Variants in PHF24 observed in about 807,000 individuals in gnomAD.
The protein encoded by PHF24 is Galpha inhibitory interacting protein.
Under a neutral mutation model 42.6 loss-of-function variants are expected in PHF24, and 25 were observed. The ratio of observed to expected loss-of-function variants is 0.59; its 90% confidence interval spans 0.43 to 0.82. The LOEUF (loss-of-function observed/expected upper bound fraction) is 0.82, where lower values mean the gene tolerates loss of function less well. Among genes scored for constraint, PHF24 ranks in the 40% least tolerant of loss-of-function variants. The pLI, the probability that PHF24 is intolerant of heterozygous loss-of-function variation, is 0.00. For missense variants in PHF24, 470 were observed against 538.1 expected (o/e 0.87, Z 1.25); for synonymous variants, 185 against 204.8 (o/e 0.90, Z 0.83).
At chr9:34,696,430 G>A in the PHF24 span, among the ~76,000 whole-genome samples, 2 of 150,712 alleles carry the variant, frequency 1.3e-5, no homozygotes, top group Non-Finnish European at 2.9e-5. Flanking sequence ...AGAAGTTGCG[G>A]TGTGCAGAGA....
the PHF24 span, among the ~76,000 whole-genome samples, chr9:34,895,297 C>T: frequency 2.0e-5 from 3 of 152,108 alleles, no homozygotes; most frequent in Non-Finnish European, 4.4e-5. Context: ...TCCATGCCTC[C>T]CACCCCCATT....
the PHF24 span, among the ~76,000 whole-genome samples, chr9:34,942,938 A>C: frequency 2.1e-4 from 32 of 152,274 alleles, 1 homozygote; most frequent in African/African-American, 7.2e-4. Flanking sequence ...AACATGGTAC[A>C]TGTATACCTA....
chr9:34,849,524 C>T, the PHF24 span, among the ~76,000 whole-genome samples: 3 of 152,032 alleles, frequency 2.0e-5, no homozygotes, highest in African/African-American at 7.3e-5. Context: ...TTCCTGAATA[C>T]AGCACACTGA....
chr9:34,706,034 A>G, the PHF24 span, among the ~76,000 whole-genome samples: 2 of 152,238 alleles, frequency 1.3e-5, no homozygotes, highest in African/African-American at 4.8e-5. Flanking sequence ...CAATGTCAAG[A>G]TAGAGGTATT....
At chr9:34,868,054 A>C in the PHF24 span, among the ~76,000 whole-genome samples, 1 of 152,052 alleles carries the variant, frequency 6.6e-6, no homozygotes, top group African/African-American at 2.4e-5. Flanking sequence ...AAATTCCAAA[A>C]TTTTGTAGCT....
chr9:34,937,252 G>A, the PHF24 span, among the ~76,000 whole-genome samples: 2 of 152,198 alleles, frequency 1.3e-5, no homozygotes, highest in African/African-American at 4.8e-5. Context: ...TGGTTGCCGT[G>A]TCTGTGTAGA....
the PHF24 span, among the ~76,000 whole-genome samples, chr9:34,715,994 C>T: frequency 6.6e-6 from 1 of 152,146 alleles, no homozygotes; most frequent in Non-Finnish European, 1.5e-5. Context: ...AATTTCAGCT[C>T]AAGGGCTAGG....
At chr9:34,906,518 A>G in the PHF24 span, among the ~76,000 whole-genome samples, 1 of 151,974 alleles carries the variant, frequency 6.6e-6, no homozygotes, top group Non-Finnish European at 1.5e-5. Flanking sequence ...ATGCTTTGAC[A>G]TGGTGAGGCC....
At chr9:34,939,723 A>G in the PHF24 span, among the ~76,000 whole-genome samples, 1 of 152,200 alleles carries the variant, frequency 6.6e-6, no homozygotes, top group Non-Finnish European at 1.5e-5. Context: ...GGAGAGGCAC[A>G]TTCTCATGGT....
intron 2 of PHF24, 110 bp from the exon 3 acceptor site, chr9:34,972,236 G>A (rs932560310): frequency 1.0e-6 from 1 of 972,718 alleles, no homozygotes; most frequent in African/African-American, 1.6e-5. Context: ...TGTTCCTCTA[G>A]GCTAATCTGG....
chr9:34,725,424 C>T, the PHF24 span: 12 of 1,197,144 alleles, frequency 1.0e-5, 1 homozygote, highest in East Asian at 3.1e-5. Flanking sequence ...TGAGGCAGGC[C>T]CCAGCGATGG....
the PHF24 span, among the ~76,000 whole-genome samples, chr9:34,881,842 A>G: frequency 4.6e-5 from 7 of 152,208 alleles, no homozygotes; most frequent in East Asian, 9.6e-4. Context: ...AAAAGAGGGA[A>G]TCCTCCCTAA....
chr9:34,695,078 G>A, the PHF24 span, among the ~76,000 whole-genome samples: 2 of 152,174 alleles, frequency 1.3e-5, no homozygotes, highest in Non-Finnish European at 2.9e-5. Context: ...GAGCTAGTCA[G>A]CAGAAGAACC....
chr9:34,967,221 A>G (rs1435135632), intron 1 of PHF24, among the ~76,000 whole-genome samples: 2 of 152,238 alleles, frequency 1.3e-5, no homozygotes, highest in Admixed American at 1.3e-4. Flanking sequence ...AGTTAAGGGC[A>G]GCACTTTCCT....
chr9:34,967,463 A>C (rs1408613276), intron 1 of PHF24, among the ~76,000 whole-genome samples: 1 of 152,212 alleles, frequency 6.6e-6, no homozygotes, highest in Non-Finnish European at 1.5e-5. Flanking sequence ...TATATTTCTT[A>C]CTCTGAGCCA....
the PHF24 span, among the ~76,000 whole-genome samples, chr9:34,734,757 C>T: frequency 1.3e-5 from 2 of 152,178 alleles, no homozygotes; most frequent in Admixed American, 6.5e-5. Context: ...TTCAGGGGCA[C>T]AGCCCCTGTC....
At chr9:34,726,312 G>A in the PHF24 span, 2 of 1,532,392 alleles carry the variant, frequency 1.3e-6, no homozygotes, top group Non-Finnish European at 1.8e-6. Flanking sequence ...CGTCTTGGGA[G>A]CCCCCACCTC....
At chr9:34,931,342 C>T in the PHF24 span, among the ~76,000 whole-genome samples, 19 of 139,404 alleles carry the variant, frequency 1.4e-4, no homozygotes, top group East Asian at 3.4e-3. Context: ...TGCCACTGTA[C>T]TCCAGCCTGG....
chr9:34,728,727 C>T, the PHF24 span: 2 of 1,367,990 alleles, frequency 1.5e-6, no homozygotes, highest in East Asian at 2.5e-5. Context: ...TGAGACAAAA[C>T]TTACATACAT....
Sources: allele counts gnomAD v4.1 joint callset (sites outside exome capture counted in the v4.1 genomes callset), GRCh38; gene constraint gnomAD v4.1.1; transcripts MANE v1.5; gene names NCBI Gene and HGNC (gene_info 2026-07-23, HGNC 2026-07-21).